The following ANKRD17 variants were observed in gnomAD, a reference collection of about 807,000 sequenced individuals.
The protein encoded by ANKRD17 is ankyrin repeat domain 17.
A neutral mutation model predicts 229.7 loss-of-function variants in ANKRD17; 19 were observed. The observed-to-expected ratio is 0.08, with a 90% CI of 0.06 to 0.12. The LOEUF (loss-of-function observed/expected upper bound fraction) is 0.12, where lower values mean the gene tolerates loss of function less well. Among genes scored for constraint, ANKRD17 ranks in the 10% least tolerant of loss-of-function variants. The pLI is 1.00. For missense variants in ANKRD17, 2,176 were observed against 3,176.8 expected (o/e 0.68, Z 7.57); for synonymous variants, 1,112 against 1,146.1 (o/e 0.97, Z 0.60).
rs753942701 is a variant in ANKRD17, at chr4:73,075,244, T to C, written c.*987A>G. The C allele has an allele frequency of 1.1e-4, 16 of 152,104 alleles. No individual in the cohort carries two copies. Among genetic ancestry groups the C allele is most frequent in the Non-Finnish European group, 1.6e-4 (11 of 67,964 alleles). 9.4% of individuals were successfully genotyped at this position (152,104 alleles called of 1,614,324 possible). On this transcript the variant is annotated 3_prime_UTR_variant, in exon 34 of 34. Transcript: ENST00000358602. ...ATATCATCCAATATAAAATAGTACA[T>C]TGAATTATTTAATAAACAGAATATT... is the stretch of plus-strand genomic sequence containing the variant.
At chr4:73,233,701 G>A (rs1438438997) in intron 1 of ANKRD17, among the ~76,000 whole-genome samples, 1 of 152,026 alleles carries the variant, frequency 6.6e-6, no homozygotes, top group African/African-American at 2.4e-5. Flanking sequence ...CATACAAAGT[G>A]CATCGTTTTT....
intron 30 of ANKRD17, among the ~76,000 whole-genome samples, chr4:73,080,320 T>C (rs777088171): frequency 2.0e-5 from 3 of 151,950 alleles, no homozygotes; most frequent in Admixed American, 6.6e-5. Context: ...AAAAAAGCTA[T>C]AACCTAAAAT....
chr4:73,142,899 G>T, intron 11 of ANKRD17, 132 bp from the exon 12 acceptor site: 3 of 966,558 alleles, frequency 3.1e-6, no homozygotes, highest in South Asian at 4.1e-5. Flanking sequence ...GAGCTTTAAT[G>T]ATTATAAACA....
chr4:73,192,957 G>A (rs537019256), intron 1 of ANKRD17, among the ~76,000 whole-genome samples: 9 of 151,868 alleles, frequency 5.9e-5, no homozygotes, highest in Non-Finnish European at 1.2e-4. Flanking sequence ...GTTTATTGAA[G>A]TATACTTTAG....
intron 28 of ANKRD17, among the ~76,000 whole-genome samples, chr4:73,092,984 A>T (rs1381281458): frequency 6.6e-6 from 1 of 152,220 alleles, no homozygotes; most frequent in Non-Finnish European, 1.5e-5. Flanking sequence ...GCAATTACCA[A>T]TAAAGGGTAT....
chr4:73,076,890 C>A, intron 33 of ANKRD17, 50 bp downstream of exon 33: 1 of 1,543,908 alleles, frequency 6.5e-7, no homozygotes, highest in Non-Finnish European at 8.7e-7. Context: ...TTTGTCTTTG[C>A]ATTTCTTAAA....
chr4:73,222,837 G>A lies in ANKRD17; in HGVS notation c.393+35439C>T, dbSNP rs1463108067. On this transcript the variant is annotated intron_variant, in intron 1 of 33. Transcript: ENST00000358602. ...TCTGAAACATTCTCACACGGAATAG[G>A]TCTGACCGTGTCTTGCTTTTATGCT... 1.3e-5 allele frequency: 9 copies of A among 697,364 alleles called. No homozygotes were observed. In the Middle Eastern group the frequency reaches 9.0e-4, roughly 70 times the overall value. The allele number at this position is 697,364 out of a possible 1,614,324, so 43.2% of individuals were successfully genotyped here.
intron 26 of ANKRD17, among the ~76,000 whole-genome samples, chr4:73,097,527 C>G (rs1033801522): frequency 1.3e-5 from 2 of 151,076 alleles, no homozygotes; most frequent in Admixed American, 6.6e-5. Flanking sequence ...CTTGAGCTCT[C>G]GGGTTCAGGT....
At chr4:73,093,034 C>A (rs887048381) in intron 28 of ANKRD17, among the ~76,000 whole-genome samples, 1 of 151,964 alleles carries the variant, frequency 6.6e-6, no homozygotes, top group African/African-American at 2.4e-5. Flanking sequence ...CTGTGACTAC[C>A]CAAATACCCA....
intron 29 of ANKRD17, among the ~76,000 whole-genome samples, chr4:73,089,887 A>T (rs1722616661): frequency 6.6e-6 from 1 of 152,152 alleles, no homozygotes; most frequent in South Asian, 2.1e-4. Context: ...CTAAGAAGCT[A>T]ATTTTTTTAT....
chr4:73,142,549 T>C (rs190035197), intron 12 of ANKRD17, 91 bp downstream of exon 12: 1 of 1,596,612 alleles, frequency 6.3e-7, no homozygotes, highest in African/African-American at 1.4e-5. Flanking sequence ...TAGAATGCCA[T>C]TATGAATGGA....
rs538208487 is a variant in ANKRD17 at position 73,120,467 on chromosome 4, T to G, written c.3850-130A>C. ...AAGATTCACAACTAAATTTAATCAC[T>G]GACCCTTATTAGCTCCTTTGAGTTA... On this transcript the variant is annotated intron_variant, in intron 20 of 33. Transcript: ENST00000358602. 2.4e-4 allele frequency: 191 copies of G among 792,336 alleles called. No individual in the cohort carries two copies. The African/African-American group carries it at 3.1e-3, about 13-fold the overall frequency. The allele number at this position is 792,336 out of a possible 1,614,324, so 49.1% of individuals were successfully genotyped here. A position where few individuals can be genotyped will look rare whatever the true frequency, so the allele number is the denominator to read the frequency against.
At chr4:73,247,170 G>C (rs1353162510) in intron 1 of ANKRD17, among the ~76,000 whole-genome samples, 2 of 151,904 alleles carry the variant, frequency 1.3e-5, no homozygotes, top group Non-Finnish European at 2.9e-5. Context: ...GAAAAACAAA[G>C]ATTAAAAAAC....
In ANKRD17 at chr4:73,094,309, C is replaced by T. The variant is rs1723072948; in HGVS notation, c.5178-81G>A. ...ATTTTTAAAAGAGGAAAGAGTATTA[C>T]TAAAATGTCTTTCTATAAATACAGA... On this transcript the variant is annotated intron_variant, in intron 27 of 33. Coordinates refer to ENST00000358602, the MANE Select transcript of ANKRD17 (RefSeq NM_032217.5). 3.2e-6 allele frequency: 4 copies of T among 1,252,796 alleles called. No individual in the cohort carries two copies. The Admixed American group carries it at 8.1e-5, about 25-fold the overall frequency. 77.6% of individuals were successfully genotyped at this position (1,252,796 alleles called of 1,614,324 possible). A position where few individuals can be genotyped will look rare whatever the true frequency, so the allele number is the denominator to read the frequency against.
At chr4:73,134,357 C>T (rs571870549) in intron 16 of ANKRD17, among the ~76,000 whole-genome samples, 1 of 152,146 alleles carries the variant, frequency 6.6e-6, no homozygotes, top group South Asian at 2.1e-4. Context: ...CATCAAAATA[C>T]AAAAACTAAG....
chr4:73,115,420 A>G (rs999980581), intron 23 of ANKRD17, among the ~76,000 whole-genome samples: 1 of 152,104 alleles, frequency 6.6e-6, no homozygotes, highest in Non-Finnish European at 1.5e-5. Flanking sequence ...CCTTCCAAGT[A>G]GCTGGGATTA....
intron 1 of ANKRD17, among the ~76,000 whole-genome samples, chr4:73,188,133 G>C (rs547288968): frequency 1.3e-5 from 2 of 150,868 alleles, no homozygotes; most frequent in Admixed American, 6.6e-5. Context: ...CCATAAAGTT[G>C]AAAGAAACTA....
chr4:73,214,167 G>C (rs1740689817), intron 1 of ANKRD17, among the ~76,000 whole-genome samples: 1 of 152,108 alleles, frequency 6.6e-6, no homozygotes, highest in African/African-American at 2.4e-5. Flanking sequence ...TTCCACACAA[G>C]GTTTTTCTCC....
At chr4:73,175,342 C>A (rs997973920) in intron 2 of ANKRD17, among the ~76,000 whole-genome samples, 1 of 152,108 alleles carries the variant, frequency 6.6e-6, no homozygotes, top group Non-Finnish European at 1.5e-5. Flanking sequence ...GGGAAACTGT[C>A]CCCATGATCC....
Sources: gnomAD v4.1 joint callset for allele counts (sites outside exome capture counted in the v4.1 genomes callset) on GRCh38, gnomAD v4.1.1 for gene constraint, MANE v1.5 for transcripts, NCBI Gene and HGNC (gene_info 2026-07-23, HGNC 2026-07-21) for gene names.